The following EBF2 variants were observed in gnomAD, a reference collection of about 807,000 sequenced individuals.
EBF2 encodes the protein transcription factor COE2.
A neutral mutation model predicts 72.8 loss-of-function variants in EBF2; 21 were observed. The observed-to-expected ratio is 0.29, with a 90% confidence interval of 0.20 to 0.42. The LOEUF (loss-of-function observed/expected upper bound fraction) is 0.42. Among genes scored for constraint, EBF2 ranks in the 10% least tolerant of loss-of-function variants. EBF2 has a pLI of 1.00. For missense variants in EBF2, 637 were observed against 731.2 expected (o/e 0.87, Z 1.49); for synonymous variants, 299 against 274.2 (o/e 1.09, Z -0.89).
At chr8:26,005,561 T>TATATATATATATAGAGAGAG (rs375386709) in intron 6 of EBF2, among the ~76,000 whole-genome samples, 2 of 63,886 alleles carry the variant, frequency 3.1e-5, no homozygotes, top group African/African-American at 1.5e-4. Context: ...TATATATATA[T>TATATATATATATAGAGAGAG]AGAGAGAGAG....
At chr8:25,914,123 T>C (rs538768454) in intron 6 of EBF2, among the ~76,000 whole-genome samples, 47 of 152,300 alleles carry the variant, frequency 3.1e-4, no homozygotes, top group Non-Finnish European at 4.0e-4. Flanking sequence ...CTGAGAAGCC[T>C]ACTGGGTGGC....
Position 25,853,150 on chromosome 8 carries a change from A to G in EBF2, c.1529-2389T>C, listed in dbSNP as rs555793008. ...AAATAAATCTAAGTAGATTAAAGAC[A>G]TTTTTAAAAGCAAAATTGTAAAAGT... On this transcript the variant is annotated intron_variant, in intron 14 of 15. Coordinates refer to ENST00000520164, the MANE Select transcript of EBF2 (RefSeq NM_022659.4). 7.9e-3 allele frequency among the ~76,000 whole-genome samples: 1,198 copies of G among 152,102 alleles called. 15 individuals carry two copies. The highest frequency in any genetic ancestry group is 0.028 in the African/African-American group (1,138 of 41,356).
chr8:25,988,903 T>C (rs748161891), intron 6 of EBF2, among the ~76,000 whole-genome samples: 2 of 152,206 alleles, frequency 1.3e-5, no homozygotes, highest in African/African-American at 4.8e-5. Flanking sequence ...TCCAAAAAAC[T>C]ATGTTCGTTC....
intron 7 of EBF2, among the ~76,000 whole-genome samples, chr8:25,897,205 G>T (rs570915784): frequency 6.3e-4 from 94 of 148,330 alleles, no homozygotes; most frequent in Non-Finnish European, 1.2e-3. Flanking sequence ...GAGAAGACGT[G>T]CTCTTTTCTT....
intron 6 of EBF2, among the ~76,000 whole-genome samples, chr8:25,970,510 C>G (rs1448428173): frequency 1.3e-5 from 2 of 152,226 alleles, no homozygotes; most frequent in Non-Finnish European, 2.9e-5. Flanking sequence ...TCAGTCCCTC[C>G]CCAACACCCC....
At chr8:25,993,123 C>G (rs1490518526) in intron 6 of EBF2, among the ~76,000 whole-genome samples, 1 of 152,100 alleles carries the variant, frequency 6.6e-6, no homozygotes, top group Non-Finnish European at 1.5e-5. Context: ...CCCTGAAAAA[C>G]AGAAGATGAG....
intron 5 of EBF2, among the ~76,000 whole-genome samples, chr8:26,038,858 G>C (rs1372596905): frequency 6.6e-6 from 1 of 152,204 alleles, no homozygotes; most frequent in Non-Finnish European, 1.5e-5. Context: ...CTTCCTGACT[G>C]GGTTGGGGAG....
intron 13 of EBF2, 138 bp from the exon 14 acceptor site, chr8:25,858,642 C>A: frequency 6.9e-6 from 3 of 436,978 alleles, no homozygotes; most frequent in South Asian, 3.7e-5. Flanking sequence ...GTGTGCAGTC[C>A]ATCTTTAGCT....
intron 10 of EBF2, among the ~76,000 whole-genome samples, chr8:25,873,240 G>T (rs540650701): frequency 2.6e-4 from 40 of 152,294 alleles, no homozygotes; most frequent in Non-Finnish European, 5.1e-4. Context: ...CCTTCATCAG[G>T]TCACTTGGCC....
chr8:26,000,177 G>A (rs1804701582), intron 6 of EBF2, among the ~76,000 whole-genome samples: 1 of 152,152 alleles, frequency 6.6e-6, no homozygotes, highest in Non-Finnish European at 1.5e-5. Context: ...CAGGGGAATT[G>A]GGAGAGACCC....
chr8:25,956,650 C>T (rs1307161285), intron 6 of EBF2, among the ~76,000 whole-genome samples: 1 of 152,098 alleles, frequency 6.6e-6, no homozygotes, highest in African/African-American at 2.4e-5. Flanking sequence ...TATTTAACTC[C>T]CATTTATAAG....
At chr8:25,990,975 C>T (rs934465168) in intron 6 of EBF2, among the ~76,000 whole-genome samples, 9 of 152,304 alleles carry the variant, frequency 5.9e-5, no homozygotes, top group African/African-American at 2.2e-4. Flanking sequence ...GTGGAAACTG[C>T]TAAGTCCTAG....
intron 10 of EBF2, among the ~76,000 whole-genome samples, chr8:25,877,062 A>G (rs1320560920): frequency 6.6e-6 from 1 of 152,146 alleles, no homozygotes; most frequent in Non-Finnish European, 1.5e-5. Context: ...GTGCTCATTT[A>G]CCCCCATGTC....
intron 6 of EBF2, among the ~76,000 whole-genome samples, chr8:26,029,098 G>A (rs1805350778): frequency 6.6e-6 from 1 of 152,242 alleles, no homozygotes; most frequent in African/African-American, 2.4e-5. Flanking sequence ...GTCTTGAGAA[G>A]TGGAGAACTA....
At chr8:25,954,804 C>T (rs1358322346) in intron 6 of EBF2, among the ~76,000 whole-genome samples, 1 of 152,198 alleles carries the variant, frequency 6.6e-6, no homozygotes, top group Non-Finnish European at 1.5e-5. Context: ...TTATTTGCTG[C>T]TATGGCACCC....
intron 6 of EBF2, among the ~76,000 whole-genome samples, chr8:25,976,646 C>CA (rs200233842): frequency 0.25 from 37,353 of 151,524 alleles, 5,057 homozygotes; most frequent in Middle Eastern, 0.41. Context: ...AAAAACAAAA[C>CA]AAAACAAAAA....
chr8:25,854,754 ATACATTC>A (rs1312252465), intron 14 of EBF2, among the ~76,000 whole-genome samples: 1 of 152,072 alleles, frequency 6.6e-6, no homozygotes, highest in African/African-American at 2.4e-5. Flanking sequence ...AATTATTTTT[ATACATTC>A]TACATTTTCT....
In EBF2 at chr8:26,040,891, G is replaced by T. The variant is rs878921958; in HGVS notation, c.352+48C>A. The T allele has an allele frequency of 8.7e-6, 14 of 1,611,598 alleles. No individual in the cohort carries two copies. In the South Asian group the frequency reaches 1.5e-4, roughly 18 times the overall value. Reference sequence around the variant, plus strand: ...TGGCAAGGTCAGCGCGTGCGGCCCGGAAGCCGGCTGCTAGGCGCCGGCTCA... The same window carrying T: ...TGGCAAGGTCAGCGCGTGCGGCCCGTAAGCCGGCTGCTAGGCGCCGGCTCA... On this transcript the variant is annotated intron_variant, in intron 3 of 15. Coordinates refer to ENST00000520164, the MANE Select transcript of EBF2 (RefSeq NM_022659.4).
At position 25,850,623 on chromosome 8, in the gene EBF2, C is replaced by T; in HGVS notation, c.1667G>A (p.Cys556Tyr). Reference protein sequence around the residue: ...IRPQGSPSPACSSGNGNGFRA... With the variant: ...IRPQGSPSPAYSSGNGNGFRA... The stretch of plus-strand genomic sequence containing the variant: ...GAATCCATTTCCATTGCCGCTGGAG[C>T]AGGCAGGTGAAGGGGAGCCTTGGGG... Residue 556 changes from cysteine (C) to tyrosine (Y), a missense_variant, in exon 15 of 16, where the codon TGC becomes TAC. By Grantham distance (194) the Cys-to-Tyr change is radical (BLOSUM62 -2). Transcript: ENST00000520164. 4 of 1,563,200 alleles carry T rather than the reference C, an allele frequency of 2.6e-6. No homozygotes were observed. Among genetic ancestry groups the T allele is most frequent in the Non-Finnish European group, 3.4e-6 (4 of 1,162,764 alleles).
Sources: allele counts gnomAD v4.1 joint callset (sites outside exome capture counted in the v4.1 genomes callset), GRCh38; gene constraint gnomAD v4.1.1; transcripts MANE v1.5; gene names NCBI Gene and HGNC (gene_info 2026-07-23, HGNC 2026-07-21).